The following ARHGEF10L variants were observed in gnomAD, a reference collection of about 807,000 sequenced individuals.
ARHGEF10L encodes Rho guanine nucleotide exchange factor 10 like.
In ARHGEF10L, 69 loss-of-function variants were observed where a neutral mutation model predicts 141.2. That is an observed-to-expected ratio of 0.49 (90% confidence interval 0.40 to 0.60). The LOEUF is 0.60. Ranked by LOEUF, ARHGEF10L falls within the 20% of genes least tolerant of loss-of-function variation. The probability of loss-of-function intolerance (pLI) is 0.00; values close to 1 mark genes in which losing one functional copy is unlikely to be tolerated. For missense variants in ARHGEF10L, 1,482 were observed against 1,734.3 expected, an observed-to-expected ratio of 0.85 and a Z score of 2.58; for synonymous variants, 711 against 718.5, an observed-to-expected ratio of 0.99 and a Z score of 0.17.
Position 17,621,857 on chromosome 1 carries a change from C to G in ARHGEF10L, c.943-7C>G. ...TGTGCGCTGACCGTGCTTTTTGGCC[C>G]GAGCAGGTGGTCCGGAGGCATATCC... On this transcript the variant is annotated splice_region_variant and splice_polypyrimidine_tract_variant and intron_variant, in intron 10 of 28. Transcript: ENST00000361221. This position sits in a 1 kb window ranked among gnomAD's most constrained non-coding sequence, Gnocchi z 4.1. 1.2e-6 allele frequency: 2 copies of G among 1,613,994 alleles called. No individual in the cohort carries two copies. The highest frequency in any genetic ancestry group is 1.7e-6 in the Non-Finnish European group (2 of 1,179,980).
rs2060124729 is a variant in ARHGEF10L at position 17,621,834 on chromosome 1, TG to T, written c.943-29del. 1 of 1,609,098 alleles carries T rather than the reference TG, an allele frequency of 6.2e-7. No homozygotes were observed. Among genetic ancestry groups the T allele is most frequent in the Non-Finnish European group, 8.5e-7 (1 of 1,175,580 alleles). ...TGGGCCCTGTGCAGCAGGTGTCATG[TG>T]CGCTGACCGTGCTTTTTGGCCCGAG... On this transcript the variant is annotated intron_variant, in intron 10 of 28. Coordinates refer to ENST00000361221, the MANE Select transcript of ARHGEF10L (RefSeq NM_018125.4). The surrounding 1 kb of genome is among the most constrained non-coding windows in gnomAD (Gnocchi z 4.1).
In ARHGEF10L at chr1:17,627,579, G is replaced by T. The variant is rs758875101; in HGVS notation, c.1584+76G>T. ...GCTCCTGCCCGTGCCCCTGCCCCAC[G>T]CCACCCACACTAGGTGGCAGTGTTC... On this transcript the variant is annotated intron_variant, in intron 15 of 28. Coordinates refer to ENST00000361221, the MANE Select transcript of ARHGEF10L (RefSeq NM_018125.4). The surrounding 1 kb of genome is among the most constrained non-coding windows in gnomAD (Gnocchi z 4.0). The T allele has an allele frequency of 3.3e-6, 5 of 1,523,190 alleles. No individual in the cohort carries two copies. The highest frequency in any genetic ancestry group is 3.5e-6 in the Non-Finnish European group (4 of 1,127,784). 94.4% of individuals were successfully genotyped at this position (1,523,190 alleles called of 1,614,324 possible). A position where few individuals can be genotyped will look rare whatever the true frequency, so the allele number is the denominator to read the frequency against.
intron 1 of ARHGEF10L, among the ~76,000 whole-genome samples, chr1:17,576,687 G>C (rs939416146): frequency 6.6e-6 from 1 of 152,178 alleles, no homozygotes; most frequent in African/African-American, 2.4e-5. Flanking sequence ...GGCATGGAGC[G>C]TAGAATTCAT....
the ARHGEF10L span, among the ~76,000 whole-genome samples, chr1:17,523,627 C>T: frequency 6.6e-6 from 1 of 152,228 alleles, no homozygotes; most frequent in East Asian, 1.9e-4. Flanking sequence ...AGGTCACACA[C>T]TGTTCATGGC....
chr1:17,583,285 G>C (rs1278247967), intron 2 of ARHGEF10L, among the ~76,000 whole-genome samples: 1 of 151,938 alleles, frequency 6.6e-6, no homozygotes, highest in Non-Finnish European at 1.5e-5. Context: ...CTGAGGCCGG[G>C]TCTTGCCTGT....
intron 13 of ARHGEF10L, 31 bp downstream of exon 13, chr1:17,624,534 C>G (rs374816862): frequency 2.0e-5 from 31 of 1,563,156 alleles, no homozygotes; most frequent in Non-Finnish European, 2.7e-5. Flanking sequence ...CGTGCCTGGT[C>G]AGGGTGGGCA....
the ARHGEF10L span, among the ~76,000 whole-genome samples, chr1:17,522,447 T>C: frequency 6.6e-6 from 1 of 151,868 alleles, no homozygotes; most frequent in Non-Finnish European, 1.5e-5. Flanking sequence ...GCCACACAGC[T>C]AAGTGATGGA....
At chr1:17,585,622 G>A (rs113384385) in intron 2 of ARHGEF10L, among the ~76,000 whole-genome samples, 1,859 of 152,148 alleles carry the variant, frequency 0.012, 39 homozygotes, top group African/African-American at 0.042. Context: ...CATTGCAGTC[G>A]AGCAGCTGAA....
intron 25 of ARHGEF10L, 86 bp from the exon 26 acceptor site, chr1:17,664,361 G>A: frequency 1.4e-6 from 2 of 1,462,824 alleles, no homozygotes; most frequent in African/African-American, 1.4e-5. Context: ...GGGGGGCCCT[G>A]CTGAGCCCCC....
rs145826559 is a variant in ARHGEF10L at position 17,636,371 on chromosome 1, G to A, written c.1927+1355G>A. ...CTGTAATCAACTCCTTCTGCTTATA[G>A]CCCTTGAAGAACCATAAAACCAACA... is the stretch of plus-strand genomic sequence containing the variant. On this transcript the variant is annotated intron_variant, in intron 18 of 28. Transcript: ENST00000361221. Among the ~76,000 whole-genome samples, 601 of 152,252 alleles carry A rather than the reference G, an allele frequency of 3.9e-3. 2 individuals are homozygous for A. Among genetic ancestry groups the A allele is most frequent in the Non-Finnish European group, 6.0e-3 (409 of 68,014 alleles).
At chr1:17,614,650 C>T (rs541600244) in intron 8 of ARHGEF10L, among the ~76,000 whole-genome samples, 4 of 152,076 alleles carry the variant, frequency 2.6e-5, no homozygotes, top group South Asian at 2.1e-4. Flanking sequence ...CCATCCCTTT[C>T]GTTAGATTCT....
At chr1:17,663,175 G>C (rs1375588959) in intron 25 of ARHGEF10L, among the ~76,000 whole-genome samples, 1 of 152,228 alleles carries the variant, frequency 6.6e-6, no homozygotes, top group Non-Finnish European at 1.5e-5. Flanking sequence ...ATCATCCCAG[G>C]GGAGGGGAGG....
chr1:17,683,961 C>A (rs939284536), intron 26 of ARHGEF10L, among the ~76,000 whole-genome samples: 1 of 152,182 alleles, frequency 6.6e-6, no homozygotes, highest in African/African-American at 2.4e-5. Context: ...AGTCGAGCGG[C>A]AGGCTGGCTG....
Position 17,627,503 on chromosome 1 carries a change from G to T in ARHGEF10L, c.1584G>T (p.Lys528Asn). 6.2e-7 allele frequency: 1 copy of T among 1,611,494 alleles called. No homozygotes were observed. Among genetic ancestry groups the T allele is most frequent in the Non-Finnish European group, 8.5e-7 (1 of 1,179,650 alleles). ...KSVSDRSSLNKLLTSGQRQLL... is the reference protein window; with the variant it reads ...KSVSDRSSLNNLLTSGQRQLL... ...TCAGTGACCGCAGCAGCCTCAACAA[G>T]GTGAGCTGGGCCTCCCACCTGCCTG... The change falls in exon 15 of 29, where the codon AAG becomes AAT. Residue 528 changes from lysine to asparagine, a missense_variant and splice_region_variant. Coordinates refer to ENST00000361221, the MANE Select transcript of ARHGEF10L (RefSeq NM_018125.4). This position sits in a 1 kb window ranked among gnomAD's most constrained non-coding sequence, Gnocchi z 4.0.
chr1:17,588,533 C>T (rs1209744658), intron 4 of ARHGEF10L, 54 bp downstream of exon 4: 16 of 1,609,506 alleles, frequency 9.9e-6, no homozygotes, highest in Non-Finnish European at 1.4e-5. Context: ...AGACACCGGG[C>T]AGTGGGTGGG....
intron 1 of ARHGEF10L, among the ~76,000 whole-genome samples, chr1:17,571,005 G>A (rs1190168155): frequency 6.6e-6 from 1 of 152,122 alleles, no homozygotes; most frequent in Non-Finnish European, 1.5e-5. Flanking sequence ...TTAAGGCTGA[G>A]ATGCCCGATC....
intron 27 of ARHGEF10L, 197 bp from the exon 28 acceptor site, chr1:17,694,961 G>C (rs1156378677): frequency 1.3e-6 from 1 of 765,820 alleles, no homozygotes; most frequent in Non-Finnish European, 2.3e-6. Context: ...TTAGGGGAGT[G>C]CTCAGCTGCA....
At chr1:17,657,456 A>G (rs1283104598) in intron 25 of ARHGEF10L, among the ~76,000 whole-genome samples, 29 of 152,132 alleles carry the variant, frequency 1.9e-4, no homozygotes, top group Admixed American at 1.9e-3. Context: ...GGGGCTGAGT[A>G]GAGAGTGTAG....
intron 26 of ARHGEF10L, among the ~76,000 whole-genome samples, chr1:17,665,011 G>A (rs2102183645): frequency 6.6e-6 from 1 of 152,272 alleles, no homozygotes; most frequent in African/African-American, 2.4e-5. Context: ...CCTGGGTCCT[G>A]CCTTGCCCTG....
Sources: gnomAD v4.1 joint callset for allele counts (sites outside exome capture counted in the v4.1 genomes callset) on GRCh38, gnomAD v4.1.1 for gene constraint, Gnocchi (gnomAD v3.1) non-coding constraint, MANE v1.5 for transcripts, NCBI Gene and HGNC (gene_info 2026-07-23, HGNC 2026-07-21) for gene names.